COL24A1: variants seen among roughly 807,000 people sequenced by gnomAD.
COL24A1 encodes collagen type XXIV alpha 1 chain.
COL24A1 carries 224 observed loss-of-function variants against 253.9 expected under a neutral mutation model. The observed-to-expected ratio is 0.88, with a 90% confidence interval of 0.79 to 0.99. The LOEUF (loss-of-function observed/expected upper bound fraction) is 0.99, where lower values mean the gene tolerates loss of function less well. COL24A1 is among the 50% of genes least tolerant of loss of function. COL24A1 has a pLI of 0.00. For synonymous variants in COL24A1, 685 were observed against 673.7 expected, an observed-to-expected ratio of 1.02 and a Z score of -0.26; for missense variants, 2,131 against 2,068.5, an observed-to-expected ratio of 1.03 and a Z score of -0.59.
At chr1:85,942,375 T>C (rs1688832765) in intron 24 of COL24A1, among the ~76,000 whole-genome samples, 1 of 152,222 alleles carries the variant, frequency 6.6e-6, no homozygotes, top group African/African-American at 2.4e-5. Flanking sequence ...CCTCTTGTAT[T>C]ACTTATTCCT....
intron 10 of COL24A1, among the ~76,000 whole-genome samples, chr1:86,055,785 C>T (rs1159461611): frequency 2.6e-5 from 4 of 151,960 alleles, no homozygotes; most frequent in Non-Finnish European, 5.9e-5. Flanking sequence ...AAAAATGAAG[C>T]ACAGAGAGAC....
chr1:85,755,266 C>T (rs1050123005), intron 55 of COL24A1, among the ~76,000 whole-genome samples: 8 of 152,104 alleles, frequency 5.3e-5, no homozygotes, highest in African/African-American at 1.7e-4. Context: ...GACAATTTAT[C>T]ACTAACATAC....
chr1:86,051,941 T>C (rs1474509054), intron 10 of COL24A1, among the ~76,000 whole-genome samples: 1 of 152,014 alleles, frequency 6.6e-6, no homozygotes, highest in Non-Finnish European at 1.5e-5. Flanking sequence ...AGTTGGGAGA[T>C]GTGGGGTTCA....
chr1:86,091,721 G>C (rs1703502251), intron 6 of COL24A1, among the ~76,000 whole-genome samples: 1 of 151,960 alleles, frequency 6.6e-6, no homozygotes, highest in African/African-American at 2.4e-5. Flanking sequence ...AAGCATACTG[G>C]ACAAGAAGTC....
intron 24 of COL24A1, among the ~76,000 whole-genome samples, chr1:85,911,738 C>T (rs1000129988): frequency 8.6e-5 from 13 of 152,032 alleles, no homozygotes; most frequent in Admixed American, 2.0e-4. Flanking sequence ...TTATAAAACC[C>T]CTGACGTTTT....
chr1:85,940,047 C>T (rs1688592990), intron 24 of COL24A1, among the ~76,000 whole-genome samples: 3 of 152,086 alleles, frequency 2.0e-5, no homozygotes, highest in South Asian at 2.1e-4. Flanking sequence ...TATCTACAAA[C>T]ACTGGGGATG....
chr1:86,005,696 C>T lies in COL24A1; in HGVS notation c.2310+11455G>A, dbSNP rs371087543. On this transcript the variant is annotated intron_variant, in intron 19 of 59. Transcript: ENST00000370571. ...ATCCCCTCTTATGACTCCTTGTCAA[C>T]ATTATACTGGAAGTCCTAGATAATG... 3.3e-5 allele frequency among the ~76,000 whole-genome samples: 5 copies of T among 152,062 alleles called. No individual in the cohort carries two copies. The East Asian group carries it at 7.7e-4, about 23-fold the overall frequency.
intron 7 of COL24A1, among the ~76,000 whole-genome samples, chr1:86,085,601 T>A (rs1027864645): frequency 2.0e-5 from 3 of 152,308 alleles, no homozygotes; most frequent in African/African-American, 7.2e-5. Flanking sequence ...CTATATCAAA[T>A]AATTTAAAAA....
Position 86,126,074 on chromosome 1 carries a change from C to T in COL24A1, c.262G>A (p.Ala88Thr), listed in dbSNP as rs1428854310. ...TESGVIFKND[A>T]YIETPFVKIL... ...TTCACGAAAGGTGTCTCGATATAAG[C>T]ATCATTTTTAAAAATGACTCCTGAT... is the stretch of plus-strand genomic sequence containing the variant. Residue 88 changes from alanine to threonine, a missense_variant, in exon 3 of 60, where the codon GCT (alanine) becomes ACT (threonine). Physicochemically the swap from Ala to Thr is moderately conservative, Grantham distance 58. Coordinates refer to ENST00000370571, the MANE Select transcript of COL24A1 (RefSeq NM_152890.7). 6.2e-7 allele frequency: 1 copy of T among 1,613,480 alleles called. No individual in the cohort carries two copies. The highest frequency in any genetic ancestry group is 8.5e-7 in the Non-Finnish European group (1 of 1,179,740).
intron 10 of COL24A1, among the ~76,000 whole-genome samples, chr1:86,057,174 G>T (rs1053967731): frequency 2.0e-5 from 3 of 152,010 alleles, no homozygotes; most frequent in African/African-American, 7.3e-5. Context: ...ATGAGATCTG[G>T]TTGTTTGAAA....
At chr1:86,003,731 T>G (rs1001849006) in intron 19 of COL24A1, among the ~76,000 whole-genome samples, 1 of 151,824 alleles carries the variant, frequency 6.6e-6, no homozygotes, top group African/African-American at 2.4e-5. Context: ...ATATATAGAT[T>G]CCTCGGCAGT....
At chr1:85,838,213 G>A (rs1054058473) in intron 43 of COL24A1, among the ~76,000 whole-genome samples, 1 of 152,068 alleles carries the variant, frequency 6.6e-6, no homozygotes, top group East Asian at 1.9e-4. Flanking sequence ...CATTTTGTTG[G>A]GGGAAGACAA....
chr1:85,923,603 A>G (rs537678354), intron 24 of COL24A1, among the ~76,000 whole-genome samples: 2 of 152,344 alleles, frequency 1.3e-5, no homozygotes, highest in African/African-American at 4.8e-5. Context: ...GCAGAAATAA[A>G]GATGTTCTTT....
intron 57 of COL24A1, among the ~76,000 whole-genome samples, chr1:85,742,293 G>A (rs1223902374): frequency 6.6e-6 from 1 of 151,480 alleles, no homozygotes; most frequent in Non-Finnish European, 1.5e-5. Flanking sequence ...CACCACACCC[G>A]GCTAATTTTT....
Position 86,052,366 on chromosome 1 carries a change from T to G in COL24A1, c.1852-2189A>C, listed in dbSNP as rs144979276. Reference sequence around the variant, plus strand: ...TTAACAGATGAATGAATAAACAAAATGTTGTATATACATGAAATGGAATAT... The same window carrying G: ...TTAACAGATGAATGAATAAACAAAAGGTTGTATATACATGAAATGGAATAT... On this transcript the variant is annotated intron_variant, in intron 10 of 59. Coordinates refer to ENST00000370571, the MANE Select transcript of COL24A1 (RefSeq NM_152890.7). Among the ~76,000 whole-genome samples, 1,338 of 152,184 alleles carry G rather than the reference T, an allele frequency of 8.8e-3. 71 individuals are homozygous for G. The highest frequency in any genetic ancestry group is 0.073 in the Admixed American group (1,114 of 15,260).
At chr1:85,850,360 C>G (rs1404364213) in intron 37 of COL24A1, among the ~76,000 whole-genome samples, 2 of 152,116 alleles carry the variant, frequency 1.3e-5, no homozygotes, top group Non-Finnish European at 2.9e-5. Flanking sequence ...TTGTGGTTTA[C>G]CACTGTGCTA....
intron 2 of COL24A1, among the ~76,000 whole-genome samples, chr1:86,132,895 C>A (rs1199365416): frequency 6.6e-6 from 1 of 151,812 alleles, no homozygotes; most frequent in African/African-American, 2.4e-5. Context: ...TTTTCCAGTT[C>A]TGTGAAGAAA....
chr1:85,730,797 T>G, intron 59 of COL24A1, 105 bp from the exon 60 acceptor site: 4 of 1,205,458 alleles, frequency 3.3e-6, no homozygotes, highest in Non-Finnish European at 4.7e-6. Context: ...GGATTAGAGA[T>G]AACGAATAGA....
intron 2 of COL24A1, among the ~76,000 whole-genome samples, chr1:86,135,120 T>C (rs1650009884): frequency 6.6e-6 from 1 of 151,546 alleles, no homozygotes; most frequent in South Asian, 2.1e-4. Context: ...TCTTTGTCTC[T>C]TTTGATCCTT....
Sources: gnomAD v4.1 joint callset for allele counts (sites outside exome capture counted in the v4.1 genomes callset) on GRCh38, gnomAD v4.1.1 for gene constraint, MANE v1.5 for transcripts, NCBI Gene and HGNC (gene_info 2026-07-23, HGNC 2026-07-21) for gene names.